EIF2B3: variants seen among roughly 807,000 people sequenced by gnomAD.
The protein encoded by EIF2B3 is eukaryotic translation initiation factor 2B subunit gamma.
A neutral mutation model predicts 54.1 loss-of-function variants in EIF2B3; 20 were observed. That is an observed-to-expected ratio of 0.37 (90% CI 0.26 to 0.54). EIF2B3 has a LOEUF of 0.54. Ranked by LOEUF, EIF2B3 falls within the 20% of genes least tolerant of loss-of-function variation. The pLI is 0.86. For synonymous variants in EIF2B3, 153 were observed against 188.1 expected (o/e 0.81, Z 1.52); for missense variants, 448 against 547.8 (o/e 0.82, Z 1.82).
At chr1:44,898,154 T>C (rs1656040958) in intron 5 of EIF2B3, among the ~76,000 whole-genome samples, 1 of 152,188 alleles carries the variant, frequency 6.6e-6, no homozygotes, top group Non-Finnish European at 1.5e-5. Context: ...TTGGTATGTA[T>C]TCTCCATCTT....
chr1:44,887,681 G>A (rs985113164), intron 6 of EIF2B3, among the ~76,000 whole-genome samples: 2 of 152,214 alleles, frequency 1.3e-5, no homozygotes, highest in African/African-American at 4.8e-5. Flanking sequence ...GCTCACATCT[G>A]TAATCCCAGC....
At chr1:44,885,312 TA>T (rs141308949) in intron 6 of EIF2B3, among the ~76,000 whole-genome samples, 1,894 of 152,264 alleles carry the variant, frequency 0.012, 41 homozygotes, top group African/African-American at 0.043. Flanking sequence ...AGATATGTGT[TA>T]AAAAAACATA....
At chr1:44,861,411 C>A (rs1269656258) in intron 10 of EIF2B3, among the ~76,000 whole-genome samples, 7 of 152,064 alleles carry the variant, frequency 4.6e-5, no homozygotes, top group Non-Finnish European at 1.5e-5. Context: ...GTCGTAAGAG[C>A]CAAAGAATGT....
intron 3 of EIF2B3, among the ~76,000 whole-genome samples, chr1:44,971,556 A>T (rs981128736): frequency 6.6e-5 from 10 of 152,172 alleles, no homozygotes; most frequent in Non-Finnish European, 1.0e-4. Flanking sequence ...TCTCTAGCTT[A>T]CTGGGCCAAA....
chr1:44,962,021 G>A (rs1344568005), intron 3 of EIF2B3, among the ~76,000 whole-genome samples: 1 of 152,096 alleles, frequency 6.6e-6, no homozygotes, highest in African/African-American at 2.4e-5. Flanking sequence ...ATGAAATCTT[G>A]TCTCTACTAA....
At chr1:44,958,863 G>T in intron 3 of EIF2B3, 2 of 887,712 alleles carry the variant, frequency 2.3e-6, no homozygotes, top group South Asian at 1.3e-5. Flanking sequence ...GGTACATCAG[G>T]AACATCTCTA....
chr1:44,945,912 T>C (rs1644096718), intron 3 of EIF2B3, among the ~76,000 whole-genome samples: 1 of 152,202 alleles, frequency 6.6e-6, no homozygotes, highest in Non-Finnish European at 1.5e-5. Context: ...CTATTAAGTA[T>C]ACTCCAAAAT....
At chr1:44,871,381 C>T (rs1654960344) in intron 10 of EIF2B3, among the ~76,000 whole-genome samples, 1 of 152,152 alleles carries the variant, frequency 6.6e-6, no homozygotes, top group Non-Finnish European at 1.5e-5. Flanking sequence ...CTAATGTAGC[C>T]CAAATAATCT....
At chr1:44,880,684 C>A (rs1342584124) in intron 7 of EIF2B3, among the ~76,000 whole-genome samples, 1 of 152,124 alleles carries the variant, frequency 6.6e-6, no homozygotes. Context: ...CAATGCTGGC[C>A]GGGCACGGTG....
intron 9 of EIF2B3, among the ~76,000 whole-genome samples, 172 bp downstream of exon 9, chr1:44,875,446 C>A (rs1655089988): frequency 6.6e-6 from 1 of 152,222 alleles, no homozygotes. Context: ...CTTACAAGGT[C>A]ATTACTTGCC....
At chr1:44,876,379 C>T (rs993840526) in intron 8 of EIF2B3, among the ~76,000 whole-genome samples, 3 of 143,246 alleles carry the variant, frequency 2.1e-5, no homozygotes, top group Non-Finnish European at 4.6e-5. Flanking sequence ...ATGTGAGGAG[C>T]GCCTCTGCCT....
intron 10 of EIF2B3, among the ~76,000 whole-genome samples, chr1:44,858,050 T>C (rs1654491402): frequency 6.6e-6 from 1 of 151,402 alleles, no homozygotes; most frequent in Admixed American, 6.6e-5. Context: ...AAAGAAGATA[T>C]TCTGACTTCA....
At chr1:44,907,746 C>T (rs1025186812) in intron 5 of EIF2B3, among the ~76,000 whole-genome samples, 2 of 151,324 alleles carry the variant, frequency 1.3e-5, no homozygotes, top group African/African-American at 4.9e-5. Flanking sequence ...ATTAAAAATA[C>T]AAAATTAGCC....
chr1:44,966,933 T>C (rs1326506643), intron 3 of EIF2B3, among the ~76,000 whole-genome samples: 1 of 151,874 alleles, frequency 6.6e-6, no homozygotes, highest in African/African-American at 2.4e-5. Context: ...GCAATTCTCC[T>C]GCCTCCCGAG....
chr1:44,972,294 T>C lies in EIF2B3; in HGVS notation c.294+6021A>G, dbSNP rs1365809620. The stretch of plus-strand genomic sequence containing the variant: ...ATACACACACAAACACACACATGTA[T>C]ATACACACACACACATATATATATA... On this transcript the variant is annotated intron_variant, in intron 3 of 11. Coordinates refer to ENST00000360403, the MANE Select transcript of EIF2B3 (RefSeq NM_020365.5). Among the ~76,000 whole-genome samples, 312 of 132,518 alleles carry C rather than the reference T, an allele frequency of 2.4e-3. 3 individuals carry two copies. The highest frequency in any genetic ancestry group is 2.4e-3 in the Non-Finnish European group (147 of 62,008). The allele number at this position is 132,518 out of a possible 152,430, so 86.9% of individuals were successfully genotyped here.
chr1:44,974,766 C>T (rs1047218131), intron 3 of EIF2B3, among the ~76,000 whole-genome samples: 3 of 151,974 alleles, frequency 2.0e-5, no homozygotes, highest in Admixed American at 1.3e-4. Flanking sequence ...CTAAACGAAT[C>T]TATAATTTAA....
chr1:44,915,089 A>G (rs1643594790), intron 5 of EIF2B3, among the ~76,000 whole-genome samples: 6 of 151,702 alleles, frequency 4.0e-5, no homozygotes, highest in Admixed American at 3.9e-4. Context: ...ATTTGAGGTC[A>G]GCAGTTCAAG....
In EIF2B3 at chr1:44,941,507, T is replaced by C. The variant is rs1557696258; in HGVS notation, c.453A>G (p.Ala151=). 2 of 1,604,774 alleles carry C rather than the reference T, an allele frequency of 1.2e-6. No homozygotes were observed. Among genetic ancestry groups the C allele is most frequent in the African/African-American group, 1.3e-5 (1 of 74,600 alleles). ...AAAACAAACTCCAATCTTCCTTACC[T>C]GCTTTTTTTTTCCCCTTTTGACCGG... ...PVPGQKGKKK[A]VEQRDFIGVD... is the part of the protein sequence containing the mutation. Residue 151 remains alanine (A), a splice_region_variant and synonymous_variant, in exon 4 of 12, where the codon GCA becomes GCG. Transcript: ENST00000360403.
chr1:44,861,451 T>C (rs904402120), intron 10 of EIF2B3, among the ~76,000 whole-genome samples: 1 of 152,076 alleles, frequency 6.6e-6, no homozygotes, highest in East Asian at 1.9e-4. Context: ...GAGGTAAACA[T>C]AGTCAGCAGA....
Sources: allele counts gnomAD v4.1 joint callset (sites outside exome capture counted in the v4.1 genomes callset), GRCh38; gene constraint gnomAD v4.1.1; transcripts MANE v1.5; gene names NCBI Gene and HGNC (gene_info 2026-07-23, HGNC 2026-07-21).